The following EYS variants were observed in gnomAD, a reference collection of about 807,000 sequenced individuals.
EYS encodes the protein protein eyes shut homolog.
In EYS, 250 loss-of-function variants were observed where a neutral mutation model predicts 282.1. The observed-to-expected ratio is 0.89, with a 90% CI of 0.80 to 0.98. EYS has a LOEUF of 0.98. Ranked by LOEUF, EYS falls within the 50% of genes least tolerant of loss-of-function variation. The pLI is 0.00. For missense variants in EYS, 4,016 were observed against 3,709.0 expected (o/e 1.08, Z -2.15); for synonymous variants, 1,355 against 1,282.9 (o/e 1.06, Z -1.20).
intron 35 of EYS, among the ~76,000 whole-genome samples, chr6:63,906,567 G>T (rs1362066988): frequency 6.6e-6 from 1 of 152,148 alleles, no homozygotes; most frequent in African/African-American, 2.4e-5. Flanking sequence ...TTCTGTGTTA[G>T]AACTTAAGTA....
chr6:64,973,929 G>A (rs1770384993), intron 14 of EYS, among the ~76,000 whole-genome samples: 1 of 151,736 alleles, frequency 6.6e-6, no homozygotes, highest in East Asian at 1.9e-4. Flanking sequence ...TATACAGAAA[G>A]ATAATTCATT....
At chr6:65,190,655 TA>T (rs1376818522) in intron 12 of EYS, among the ~76,000 whole-genome samples, 2 of 151,822 alleles carry the variant, frequency 1.3e-5, no homozygotes, top group Admixed American at 1.3e-4. Context: ...AGGCCCAGTA[TA>T]AATTGTTTAT....
chr6:64,245,001 G>A (rs1229650709), intron 30 of EYS, among the ~76,000 whole-genome samples: 3 of 107,220 alleles, frequency 2.8e-5, no homozygotes, highest in Admixed American at 2.9e-4. Context: ...CGACAGGCCC[G>A]GGTGTGTGAT....
At chr6:65,619,606 G>C (rs1484327210) in intron 2 of EYS, among the ~76,000 whole-genome samples, 1 of 152,012 alleles carries the variant, frequency 6.6e-6, no homozygotes, top group Non-Finnish European at 1.5e-5. Context: ...TAGGAGTGGT[G>C]AGAGAGGGCA....
At chr6:64,897,665 A>C (rs1767518336) in intron 18 of EYS, among the ~76,000 whole-genome samples, 1 of 152,216 alleles carries the variant, frequency 6.6e-6, no homozygotes, top group Non-Finnish European at 1.5e-5. Context: ...TCTGAGCGAA[A>C]AAAGCATGTT....
intron 35 of EYS, among the ~76,000 whole-genome samples, chr6:63,921,803 G>A (rs1764580621): frequency 1.3e-5 from 2 of 152,218 alleles, no homozygotes; most frequent in African/African-American, 4.8e-5. Flanking sequence ...AATGGAAAGT[G>A]TTGAGAGGTC....
intron 2 of EYS, among the ~76,000 whole-genome samples, chr6:65,557,999 C>A (rs1768885542): frequency 6.6e-6 from 1 of 152,104 alleles, no homozygotes; most frequent in South Asian, 2.1e-4. Flanking sequence ...ATGGGAGGAC[C>A]TGGAAAAAGT....
intron 30 of EYS, among the ~76,000 whole-genome samples, chr6:64,242,178 G>T (rs1332655747): frequency 6.6e-6 from 1 of 152,094 alleles, no homozygotes; most frequent in Non-Finnish European, 1.5e-5. Flanking sequence ...TGTCTATTAG[G>T]TCTGCTTGGT....
chr6:63,835,328 A>G (rs1356097433), intron 36 of EYS, among the ~76,000 whole-genome samples: 1 of 149,294 alleles, frequency 6.7e-6, no homozygotes, highest in Non-Finnish European at 1.5e-5. Flanking sequence ...ATACATATAT[A>G]CTCTCTCTCT....
intron 15 of EYS, among the ~76,000 whole-genome samples, chr6:64,944,183 T>C (rs1201739309): frequency 6.6e-6 from 1 of 152,100 alleles, no homozygotes; most frequent in East Asian, 1.9e-4. Context: ...GGACTGAAAC[T>C]GGACCCTTAC....
chr6:65,140,471 A>G (rs573384383), intron 12 of EYS, among the ~76,000 whole-genome samples: 1 of 152,032 alleles, frequency 6.6e-6, no homozygotes, highest in African/African-American at 2.4e-5. Context: ...TTTAAAAAGT[A>G]TTTAAAGAAA....
chr6:64,194,720 G>A (rs1482635400), intron 31 of EYS, among the ~76,000 whole-genome samples: 1 of 152,002 alleles, frequency 6.6e-6, no homozygotes, highest in Non-Finnish European at 1.5e-5. Context: ...GGTGGTTGGG[G>A]TCAGTGTTAT....
intron 31 of EYS, among the ~76,000 whole-genome samples, chr6:64,135,251 A>G (rs1292405917): frequency 6.6e-6 from 1 of 152,064 alleles, no homozygotes; most frequent in Admixed American, 6.6e-5. Context: ...GACATTGAAA[A>G]GTAAAAGTTT....
intron 15 of EYS, among the ~76,000 whole-genome samples, chr6:64,924,487 C>A (rs145942735): frequency 0.026 from 4,025 of 152,278 alleles, 172 homozygotes; most frequent in African/African-American, 0.091. Context: ...GCTACTTATG[C>A]AAATTTCTGC....
chr6:65,595,058 T>C (rs1334584177), intron 2 of EYS, among the ~76,000 whole-genome samples: 1 of 152,050 alleles, frequency 6.6e-6, no homozygotes, highest in East Asian at 1.9e-4. Context: ...GCTGTTTTGG[T>C]TAGTGTAGCC....
At chr6:63,782,539 G>T (rs762212170) in intron 39 of EYS, among the ~76,000 whole-genome samples, 3 of 152,226 alleles carry the variant, frequency 2.0e-5, no homozygotes, top group Non-Finnish European at 4.4e-5. Flanking sequence ...TATTTGTGTA[G>T]AGGTGTTTAT....
chr6:65,275,242 CT>C (rs1768014723), intron 12 of EYS, among the ~76,000 whole-genome samples: 1 of 152,154 alleles, frequency 6.6e-6, no homozygotes, highest in South Asian at 2.1e-4. Context: ...AACTATGCTC[CT>C]TTTGAGAAAC....
At chr6:64,857,129 A>T (rs1393099514) in intron 19 of EYS, among the ~76,000 whole-genome samples, 1 of 152,004 alleles carries the variant, frequency 6.6e-6, no homozygotes, top group Non-Finnish European at 1.5e-5. Flanking sequence ...TGTTCCATTG[A>T]TTTGTCTATA....
intron 28 of EYS, among the ~76,000 whole-genome samples, chr6:64,407,727 C>T (rs1331863878): frequency 6.6e-6 from 1 of 152,088 alleles, no homozygotes; most frequent in African/African-American, 2.4e-5. Context: ...TGTATGCACA[C>T]ATTATTATCA....
Sources: gnomAD v4.1 joint callset for allele counts (sites outside exome capture counted in the v4.1 genomes callset) on GRCh38, gnomAD v4.1.1 for gene constraint, MANE v1.5 for transcripts, NCBI Gene and HGNC (gene_info 2026-07-23, HGNC 2026-07-21) for gene names.